The following PDILT variants were observed in gnomAD, a reference collection of about 807,000 sequenced individuals.
PDILT encodes the protein protein disulfide-isomerase-like protein of the testis.
In PDILT, 43 loss-of-function variants were observed where a neutral mutation model predicts 53.7. The ratio of observed to expected loss-of-function variants is 0.80; its 90% CI spans 0.63 to 1.03. PDILT has a LOEUF of 1.03. PDILT is among the 50% of genes least tolerant of loss of function. PDILT has a pLI of 0.00. For missense variants in PDILT, 727 were observed against 712.3 expected (o/e 1.02, Z -0.24); for synonymous variants, 282 against 274.2 (o/e 1.03, Z -0.28).
At chr16:20,399,387 C>A in intron 1 of PDILT, 80 bp from the exon 2 acceptor site, 1 of 1,464,996 alleles carries the variant, frequency 6.8e-7, no homozygotes, top group South Asian at 1.2e-5. Context: ...CTTCCTTGTC[C>A]AGCTGGTCCA....
intron 9 of PDILT, among the ~76,000 whole-genome samples, chr16:20,364,908 T>C (rs1966167937): frequency 6.6e-6 from 1 of 152,204 alleles, no homozygotes; most frequent in Non-Finnish European, 1.5e-5. Flanking sequence ...AGAAATCCTG[T>C]ACAGCAGTTA....
In PDILT at chr16:20,374,979, T is replaced by G; in HGVS notation, c.544-20A>C. ...TAAATCCTATTTGGGAAAGGATGTTTGGAAAGGCTTTGGTAGAAATCAAGG... is the reference window on the plus strand; with the variant it reads ...TAAATCCTATTTGGGAAAGGATGTTGGGAAAGGCTTTGGTAGAAATCAAGG... On this transcript the variant is annotated intron_variant, in intron 4 of 11. Transcript: ENST00000302451. The G allele has an allele frequency of 6.3e-7, 1 of 1,594,554 alleles. No homozygotes were observed. The highest frequency in any genetic ancestry group is 8.6e-7 in the Non-Finnish European group (1 of 1,167,992).
intron 2 of PDILT, among the ~76,000 whole-genome samples, chr16:20,395,566 T>G (rs12921441): frequency 1.3e-5 from 2 of 152,030 alleles, no homozygotes; most frequent in African/African-American, 4.8e-5. Flanking sequence ...CCACCTCACA[T>G]AGTGTGTGAG....
intron 9 of PDILT, among the ~76,000 whole-genome samples, 166 bp downstream of exon 9, chr16:20,365,254 T>G (rs112530402): frequency 5.9e-5 from 9 of 152,276 alleles, no homozygotes; most frequent in African/African-American, 2.2e-4. Context: ...AAGAGTTGCA[T>G]TGTTCCTGAT....
rs1966752297 is a variant in PDILT at position 20,402,290 on chromosome 16, A to ATTTTCTTT, written c.-8+2205_-8+2206insAAAGAAAA. ...GTGTTGGAGTCAGGGAGGAGTGTTG[A>ATTTTCTTT]TCTTTTCTTTTCTTTTCTTTTCTTT... is the stretch of plus-strand genomic sequence containing the variant. On this transcript the variant is annotated intron_variant, in intron 1 of 11. Transcript: ENST00000302451. 4.0e-5 allele frequency among the ~76,000 whole-genome samples: 6 copies of ATTTTCTTT among 149,632 alleles called. No individual in the cohort carries two copies. In the East Asian group the frequency reaches 1.2e-3, roughly 30 times the overall value.
In PDILT at chr16:20,404,729, C is replaced by T. The variant is rs980753442; in HGVS notation, c.-241G>A. Reference sequence around the variant, plus strand: ...ACAGAGGCCACAGCAGCCTCAGCAGCAAAGTTCTGAGTTCTGGGGTTCTAG... The same window carrying T: ...ACAGAGGCCACAGCAGCCTCAGCAGTAAAGTTCTGAGTTCTGGGGTTCTAG... On this transcript the variant is annotated 5_prime_UTR_variant, in exon 1 of 12. Coordinates refer to ENST00000302451, the MANE Select transcript of PDILT (RefSeq NM_174924.2). 9.2e-5 allele frequency: 14 copies of T among 152,388 alleles called. No homozygotes were observed. Among genetic ancestry groups the T allele is most frequent in the African/African-American group, 3.4e-4 (14 of 41,462 alleles). The allele number at this position is 152,388 out of a possible 1,614,324, so 9.4% of individuals were successfully genotyped here. A position where few individuals can be genotyped will look rare whatever the true frequency, so the allele number is the denominator to read the frequency against.
At chr16:20,375,084 G>T in intron 4 of PDILT, 125 bp from the exon 5 acceptor site, 1 of 1,117,058 alleles carries the variant, frequency 9.0e-7, no homozygotes, top group Non-Finnish European at 1.3e-6. Context: ...GTTTGCCTGG[G>T]TCACCCAAAT....
chr16:20,400,852 A>G (rs950788265), intron 1 of PDILT, among the ~76,000 whole-genome samples: 1 of 152,226 alleles, frequency 6.6e-6, no homozygotes, highest in African/African-American at 2.4e-5. Context: ...CCACAATACT[A>G]TGATCATACT....
intron 8 of PDILT, among the ~76,000 whole-genome samples, chr16:20,368,394 A>C (rs552207957): frequency 1.3e-5 from 2 of 152,020 alleles, no homozygotes; most frequent in Admixed American, 6.6e-5. Flanking sequence ...AAGAAGGAAA[A>C]TGGGTTGGAA....
In PDILT at chr16:20,362,573, C is replaced by G; in HGVS notation, c.1247G>C (p.Trp416Ser). The G allele has an allele frequency of 6.2e-7, 1 of 1,613,972 alleles. No individual in the cohort carries two copies. The highest frequency in any genetic ancestry group is 8.5e-7 in the Non-Finnish European group (1 of 1,179,970). ...KDVFVMFYAP[W>S]SKKCKMLFPL... ...GAACAGCATCTTGCACTTTTTAGAC[C>G]AGGGTGCATCTGGAAGAGAAGGTCC... The change falls in exon 10 of 12, where the codon TGG becomes TCG. Residue 416 changes from tryptophan (W) to serine (S), a missense_variant. Physicochemically the swap from Trp to Ser is radical, Grantham distance 177. Coordinates refer to ENST00000302451, the MANE Select transcript of PDILT (RefSeq NM_174924.2).
At chr16:20,369,077 G>A (rs1207574611) in intron 8 of PDILT, among the ~76,000 whole-genome samples, 1 of 152,132 alleles carries the variant, frequency 6.6e-6, no homozygotes, top group South Asian at 2.1e-4. Flanking sequence ...GGTCCCTAAA[G>A]CTTTTAAGGC....
chr16:20,369,676 A>G lies in PDILT; in HGVS notation c.932T>C (p.Leu311Pro). Residue 311 changes from leucine (L) to proline (P), a missense_variant, in exon 8 of 12, where the codon CTT (leucine) becomes CCT (proline). Physicochemically the swap from Leu to Pro is moderately conservative, Grantham distance 98 (BLOSUM62 -3). Transcript: ENST00000302451. Reference protein sequence around the residue: ...KEFQNKILFILVDADEPRNGR... With the variant: ...KEFQNKILFIPVDADEPRNGR... Reference sequence around the variant, plus strand: ...ATTTCTGGGTTCGTCTGCATCCACAAGGATGAAAAGGATCTGCCAAAGAAA... The same window carrying G: ...ATTTCTGGGTTCGTCTGCATCCACAGGGATGAAAAGGATCTGCCAAAGAAA... The G allele has an allele frequency of 6.2e-7, 1 of 1,614,172 alleles. No homozygotes were observed.
intron 2 of PDILT, among the ~76,000 whole-genome samples, chr16:20,387,244 C>T (rs867835840): frequency 5.3e-5 from 8 of 152,128 alleles, no homozygotes; most frequent in African/African-American, 1.7e-4. Flanking sequence ...ATAATATGTG[C>T]TTTGGAAAAG....
chr16:20,360,069 G>A (rs1057227390), intron 11 of PDILT, among the ~76,000 whole-genome samples: 4 of 152,172 alleles, frequency 2.6e-5, no homozygotes, highest in East Asian at 1.9e-4. Context: ...TCTGGGTTCC[G>A]GATCCACCCA....
intron 2 of PDILT, among the ~76,000 whole-genome samples, chr16:20,395,834 T>C (rs1433245327): frequency 6.6e-6 from 1 of 152,198 alleles, no homozygotes; most frequent in Non-Finnish European, 1.5e-5. Context: ...CTCTCACACA[T>C]GATTGCTGCA....
At chr16:20,368,438 C>G (rs960341893) in intron 8 of PDILT, among the ~76,000 whole-genome samples, 37 of 152,146 alleles carry the variant, frequency 2.4e-4, no homozygotes, top group Middle Eastern at 3.4e-3. Context: ...ACCGCTCAGC[C>G]CATGAAAATG....
At chr16:20,399,398 T>C in intron 1 of PDILT, 91 bp from the exon 2 acceptor site, 1 of 1,387,012 alleles carries the variant, frequency 7.2e-7, no homozygotes, top group Non-Finnish European at 1.0e-6. Flanking sequence ...AGCTGGTCCA[T>C]GTAGGGTGAA....
intron 2 of PDILT, chr16:20,385,896 GAGAC>G: frequency 6.6e-6 from 1 of 152,294 alleles, no homozygotes; most frequent in Middle Eastern, 3.4e-3. Flanking sequence ...AGAAATTATG[GAGAC>G]AGAGAGGAAG....
At chr16:20,395,093 C>T (rs139076161) in intron 2 of PDILT, among the ~76,000 whole-genome samples, 100 of 152,092 alleles carry the variant, frequency 6.6e-4, no homozygotes, top group African/African-American at 2.3e-3. Context: ...ATTAATTGAC[C>T]CCATGATATG....
Sources: allele counts gnomAD v4.1 joint callset (sites outside exome capture counted in the v4.1 genomes callset), GRCh38; gene constraint gnomAD v4.1.1; transcripts MANE v1.5; gene names NCBI Gene and HGNC (gene_info 2026-07-23, HGNC 2026-07-21).